The following EPHA3 variants were observed in gnomAD, a reference collection of about 807,000 sequenced individuals.
EPHA3 encodes the protein ephrin type-A receptor 3.
A neutral mutation model predicts 107.1 loss-of-function variants in EPHA3; 42 were observed. That is an observed-to-expected ratio of 0.39 (90% CI 0.31 to 0.51). The LOEUF (loss-of-function observed/expected upper bound fraction) is 0.51. EPHA3 is among the 20% of genes least tolerant of loss of function. EPHA3 has a pLI of 0.78. For missense variants in EPHA3, 1,183 were observed against 1,211.2 expected, an observed-to-expected ratio of 0.98 and a Z score of 0.35; for synonymous variants, 461 against 424.8, an observed-to-expected ratio of 1.09 and a Z score of -1.05.
At chr3:89,333,564 A>G (rs781514271) in intron 3 of EPHA3, among the ~76,000 whole-genome samples, 3 of 152,174 alleles carry the variant, frequency 2.0e-5, no homozygotes, top group Non-Finnish European at 2.9e-5. Context: ...TAGATTAGCA[A>G]GAAAAGGGTA....
intron 2 of EPHA3, among the ~76,000 whole-genome samples, chr3:89,146,126 T>C (rs779466508): frequency 1.3e-5 from 2 of 151,722 alleles, no homozygotes; most frequent in Admixed American, 6.6e-5. Context: ...CTGCTCTGAG[T>C]AGTATGATGA....
At chr3:89,261,643 A>C (rs146331109) in intron 3 of EPHA3, among the ~76,000 whole-genome samples, 1 of 152,092 alleles carries the variant, frequency 6.6e-6, no homozygotes, top group South Asian at 2.1e-4. Flanking sequence ...TGACAAAAGT[A>C]ATTTCTGGAT....
At chr3:89,250,799 A>G (rs1419583550) in intron 3 of EPHA3, among the ~76,000 whole-genome samples, 1 of 152,226 alleles carries the variant, frequency 6.6e-6, no homozygotes, top group Non-Finnish European at 1.5e-5. Context: ...AAAGTATTTT[A>G]TGTCTAATAG....
intron 3 of EPHA3, among the ~76,000 whole-genome samples, chr3:89,338,732 A>T (rs541781990): frequency 6.6e-6 from 1 of 152,228 alleles, no homozygotes; most frequent in Admixed American, 6.5e-5. Flanking sequence ...TATTTTTAGT[A>T]GGGACGGGGT....
At chr3:89,219,670 C>T (rs866737820) in intron 3 of EPHA3, among the ~76,000 whole-genome samples, 4 of 144,940 alleles carry the variant, frequency 2.8e-5, no homozygotes, top group African/African-American at 1.0e-4. Context: ...ATGTTACCTC[C>T]AAGAGGCATT....
At chr3:89,346,838 C>G (rs1707670605) in intron 5 of EPHA3, among the ~76,000 whole-genome samples, 1 of 143,360 alleles carries the variant, frequency 7.0e-6, no homozygotes, top group Admixed American at 7.0e-5. Flanking sequence ...CTACATATGG[C>G]TAGCCAGTTT....
chr3:89,330,062 TA>T (rs1179739255), intron 3 of EPHA3, among the ~76,000 whole-genome samples: 5 of 152,038 alleles, frequency 3.3e-5, no homozygotes, highest in Non-Finnish European at 7.4e-5. Flanking sequence ...TTAAGATATT[TA>T]AAAAACTCAT....
At chr3:89,315,338 GT>G (rs1706870360) in intron 3 of EPHA3, among the ~76,000 whole-genome samples, 1 of 151,322 alleles carries the variant, frequency 6.6e-6, no homozygotes, top group East Asian at 1.9e-4. Context: ...AAGGAGCACG[GT>G]TTGTTTCTGA....
chr3:89,353,580 T>C (rs1036646834), intron 5 of EPHA3, among the ~76,000 whole-genome samples: 1 of 151,336 alleles, frequency 6.6e-6, no homozygotes, highest in African/African-American at 2.4e-5. Context: ...TGTTTTGAAA[T>C]CAAGGCAGAT....
chr3:89,258,106 A>T (rs191209171), intron 3 of EPHA3, among the ~76,000 whole-genome samples: 1 of 152,210 alleles, frequency 6.6e-6, no homozygotes, highest in African/African-American at 2.4e-5. Flanking sequence ...ACAATTACTT[A>T]TCTCATGTTC....
At chr3:89,295,924 T>C (rs1173150956) in intron 3 of EPHA3, among the ~76,000 whole-genome samples, 1 of 152,174 alleles carries the variant, frequency 6.6e-6, no homozygotes, top group Non-Finnish European at 1.5e-5. Flanking sequence ...TCATAGCATG[T>C]TCACCAGGAG....
chr3:89,423,885 G>T lies in EPHA3; in HGVS notation c.2074+4495G>T, dbSNP rs1215069414. On this transcript the variant is annotated intron_variant, in intron 11 of 16. Coordinates refer to ENST00000336596, the MANE Select transcript of EPHA3 (RefSeq NM_005233.6). ...CAACTTACAAAATTTGTTAGAGCAC[G>T]ATTTGTGTGTGCCCAAAGACACCAT... Among the ~76,000 whole-genome samples, 3 of 151,218 alleles carry T rather than the reference G, an allele frequency of 2.0e-5. No homozygotes were observed. In the East Asian group the frequency reaches 5.8e-4, roughly 29 times the overall value.
intron 1 of EPHA3, 41 bp from the exon 2 acceptor site, chr3:89,127,168 C>A (rs755864850): frequency 6.8e-7 from 1 of 1,466,790 alleles, no homozygotes; most frequent in South Asian, 1.1e-5. Context: ...AGAAATAATT[C>A]ACTGTTATTA....
At chr3:89,372,151 C>G (rs1708318853) in intron 5 of EPHA3, among the ~76,000 whole-genome samples, 1 of 151,650 alleles carries the variant, frequency 6.6e-6, no homozygotes, top group African/African-American at 2.4e-5. Flanking sequence ...ATCTTGGAAT[C>G]TATGGATTGA....
chr3:89,326,702 G>GTT (rs796141834), intron 3 of EPHA3, among the ~76,000 whole-genome samples: 67 of 146,604 alleles, frequency 4.6e-4, no homozygotes, highest in African/African-American at 1.6e-3. Flanking sequence ...TGACTAGCCA[G>GTT]TTTTTTTTTT....
intron 3 of EPHA3, among the ~76,000 whole-genome samples, chr3:89,255,243 A>C (rs1054586758): frequency 3.9e-5 from 6 of 152,212 alleles, no homozygotes; most frequent in African/African-American, 1.2e-4. Context: ...GTATGACCAC[A>C]CATTTCATTG....
chr3:89,241,222 T>C (rs1235926724), intron 3 of EPHA3, among the ~76,000 whole-genome samples: 1 of 152,158 alleles, frequency 6.6e-6, no homozygotes, highest in East Asian at 1.9e-4. Context: ...AAGAAAAAGA[T>C]GATTAGCTAT....
chr3:89,317,094 A>G (rs1256924825), intron 3 of EPHA3, among the ~76,000 whole-genome samples: 1 of 151,832 alleles, frequency 6.6e-6, no homozygotes, highest in Admixed American at 6.6e-5. Context: ...ACGTTAAATT[A>G]TTCTATAATT....
At chr3:89,442,052 C>A (rs1355148184) in intron 13 of EPHA3, among the ~76,000 whole-genome samples, 1 of 151,860 alleles carries the variant, frequency 6.6e-6, no homozygotes, top group Non-Finnish European at 1.5e-5. Flanking sequence ...TTACTTATAC[C>A]TCCATTTAAT....
Sources: allele counts gnomAD v4.1 joint callset (sites outside exome capture counted in the v4.1 genomes callset), GRCh38; gene constraint gnomAD v4.1.1; transcripts MANE v1.5; gene names NCBI Gene and HGNC (gene_info 2026-07-23, HGNC 2026-07-21).